The following ZNF324B variants were observed in gnomAD, a reference collection of about 807,000 sequenced individuals.
The protein encoded by ZNF324B is zinc finger protein 324B.
In ZNF324B, 7 loss-of-function variants were observed where a neutral mutation model predicts 10.6. The ratio of observed to expected loss-of-function variants is 0.66; its 90% CI spans 0.38 to 1.24. The LOEUF (loss-of-function observed/expected upper bound fraction) is 1.24. Among genes scored for constraint, ZNF324B ranks in the 50% most tolerant of loss-of-function variants. ZNF324B has a pLI of 0.02. For synonymous variants in ZNF324B, 316 were observed against 321.0 expected, an observed-to-expected ratio of 0.98 and a Z score of 0.17; for missense variants, 640 against 764.7, an observed-to-expected ratio of 0.84 and a Z score of 1.92.
chr19:58,437,992 T>G, the ZNF324B span, among the ~76,000 whole-genome samples: 3 of 152,196 alleles, frequency 2.0e-5, no homozygotes, highest in Non-Finnish European at 4.4e-5. Context: ...GCCCCCACCT[T>G]GGCTTGGGGA....
chr19:58,434,332 C>T, the ZNF324B span: 8 of 1,614,118 alleles, frequency 5.0e-6, no homozygotes, highest in Admixed American at 3.3e-5. Context: ...AGGCCTTTCT[C>T]CAGTGTGAAC....
At chr19:58,421,733 A>G in the ZNF324B span, among the ~76,000 whole-genome samples, 1 of 152,226 alleles carries the variant, frequency 6.6e-6, no homozygotes, top group African/African-American at 2.4e-5. Flanking sequence ...ATACTTAGAA[A>G]TAAATTTGAC....
the ZNF324B span, among the ~76,000 whole-genome samples, chr19:58,421,397 T>C: frequency 6.6e-6 from 1 of 152,170 alleles, no homozygotes; most frequent in Non-Finnish European, 1.5e-5. Context: ...CCAATCCACA[T>C]TGTAATTTTT....
intron 1 of ZNF324B, chr19:58,453,377 A>G: frequency 2.3e-6 from 1 of 436,102 alleles, no homozygotes; most frequent in Admixed American, 3.6e-5. Context: ...GGGGAGGGTC[A>G]TGAATGGTCA....
chr19:58,433,196 G>C, the ZNF324B span: 1 of 1,002,868 alleles, frequency 1.0e-6, no homozygotes. Flanking sequence ...CAGAAACAGA[G>C]TAGCTTCTGA....
At chr19:58,435,051 C>T in the ZNF324B span, 1 of 1,614,192 alleles carries the variant, frequency 6.2e-7, no homozygotes, top group Non-Finnish European at 8.5e-7. Flanking sequence ...TTCCCTGATG[C>T]TCAGCCAGGT....
the ZNF324B span, among the ~76,000 whole-genome samples, chr19:58,424,203 C>T: frequency 6.6e-6 from 1 of 152,020 alleles, no homozygotes; most frequent in African/African-American, 2.4e-5. Flanking sequence ...GAGCTGAGAT[C>T]GCACCATTGC....
the ZNF324B span, chr19:58,437,647 T>C: frequency 3.3e-6 from 3 of 922,492 alleles, no homozygotes; most frequent in Non-Finnish European, 3.9e-6. Context: ...CCTCAGACCA[T>C]ACAGTTCTTA....
At chr19:58,433,072 T>A in the ZNF324B span, 1 of 416,808 alleles carries the variant, frequency 2.4e-6, no homozygotes. Flanking sequence ...GTTTTCCCCA[T>A]GCATGAGGAC....
chr19:58,431,963 C>A, the ZNF324B span, among the ~76,000 whole-genome samples: 3 of 152,054 alleles, frequency 2.0e-5, no homozygotes, highest in Non-Finnish European at 4.4e-5. Flanking sequence ...CCACTGCACT[C>A]CAGCTTGGGC....
chr19:58,427,634 C>T, the ZNF324B span, among the ~76,000 whole-genome samples: 2 of 150,838 alleles, frequency 1.3e-5, no homozygotes, highest in African/African-American at 4.9e-5. Context: ...GGATTACATG[C>T]GTGAGCTACC....
In ZNF324B at chr19:58,457,652, A is replaced by C. The variant is rs2052935570; in HGVS notation, c.*1073A>C. ...AGCCTCCTGAGGACCTCCCCAACCC[A>C]GTGTGATGGGCCTGCATGGCAGAGA... On this transcript the variant is annotated 3_prime_UTR_variant, in exon 4 of 4. Transcript: ENST00000336614. 1 of 151,718 alleles carries C rather than the reference A, an allele frequency of 6.6e-6. No homozygotes were observed. The highest frequency in any genetic ancestry group is 6.6e-5 in the Admixed American group (1 of 15,212). 9.4% of individuals were successfully genotyped at this position (151,718 alleles called of 1,614,324 possible).
chr19:58,433,414 T>C, the ZNF324B span: 1 of 1,614,206 alleles, frequency 6.2e-7, no homozygotes, highest in Non-Finnish European at 8.5e-7. Context: ...TTCTCTGGTG[T>C]GAACTTTCTG....
chr19:58,434,547 G>A, the ZNF324B span: 4 of 1,614,126 alleles, frequency 2.5e-6, no homozygotes, highest in Non-Finnish European at 3.4e-6. Context: ...AGTGACTAAA[G>A]GCCTTCCCAC....
the ZNF324B span, among the ~76,000 whole-genome samples, chr19:58,427,093 T>C: frequency 6.6e-6 from 1 of 152,178 alleles, no homozygotes; most frequent in Non-Finnish European, 1.5e-5. Context: ...ACTCTACTCA[T>C]GTATTAGGAA....
the ZNF324B span, chr19:58,430,414 G>A: frequency 6.6e-6 from 1 of 152,246 alleles, no homozygotes; most frequent in Non-Finnish European, 1.5e-5. Context: ...CACAGCAATA[G>A]GTAACTAATA....
At chr19:58,454,628 C>G in intron 3 of ZNF324B, 1 of 560,782 alleles carries the variant, frequency 1.8e-6, no homozygotes. Flanking sequence ...GTATTTATTT[C>G]GCCCATCATT....
chr19:58,427,509 TTTC>T, the ZNF324B span, among the ~76,000 whole-genome samples: 215 of 82,888 alleles, frequency 2.6e-3, 14 homozygotes, highest in African/African-American at 0.013. Flanking sequence ...TTTCTTTTTC[TTTC>T]TTTCTTTCTT....
the ZNF324B span, chr19:58,440,050 G>C: frequency 7.4e-6 from 4 of 538,338 alleles, 1 homozygote; most frequent in Middle Eastern, 9.2e-4. Flanking sequence ...ACTATGGTGC[G>C]TGTGAAGGCG....
Sources: gnomAD v4.1 joint callset for allele counts (sites outside exome capture counted in the v4.1 genomes callset) on GRCh38, gnomAD v4.1.1 for gene constraint, MANE v1.5 for transcripts, NCBI Gene and HGNC (gene_info 2026-07-23, HGNC 2026-07-21) for gene names.